Variants in PCDHA12 observed in about 807,000 individuals in gnomAD.
PCDHA12 encodes protocadherin alpha-12.
Under a neutral mutation model 60.0 loss-of-function variants are expected in PCDHA12, and 44 were observed. That is an observed-to-expected ratio of 0.73 (90% CI 0.58 to 0.94). The LOEUF is 0.94. PCDHA12 is among the 40% of genes least tolerant of loss of function. The pLI is 0.00. For synonymous variants in PCDHA12, 569 were observed against 553.0 expected, an observed-to-expected ratio of 1.03 and a Z score of -0.40; for missense variants, 1,276 against 1,239.7, an observed-to-expected ratio of 1.03 and a Z score of -0.44.
At chr5:140,932,709 A>G (rs2088560759) in intron 1 of PCDHA12, among the ~76,000 whole-genome samples, 1 of 151,956 alleles carries the variant, frequency 6.6e-6, no homozygotes, top group African/African-American at 2.4e-5. Context: ...TATAGACAAC[A>G]CAATAATATT....
At chr5:140,981,128 G>A (rs1340714771) in intron 2 of PCDHA12, among the ~76,000 whole-genome samples, 1 of 152,214 alleles carries the variant, frequency 6.6e-6, no homozygotes, top group Non-Finnish European at 1.5e-5. Flanking sequence ...GTTGTTTGAA[G>A]TCAAAGAGTG....
chr5:140,981,862 T>C (rs1160188291), intron 2 of PCDHA12, among the ~76,000 whole-genome samples: 1 of 152,212 alleles, frequency 6.6e-6, no homozygotes, highest in African/African-American at 2.4e-5. Flanking sequence ...CTCCCAGCAA[T>C]GTTTTATGCT....
chr5:141,000,743 TA>T (rs527867626), intron 3 of PCDHA12, among the ~76,000 whole-genome samples: 276 of 145,094 alleles, frequency 1.9e-3, no homozygotes, highest in Admixed American at 4.4e-3. Context: ...CTCTGTATAT[TA>T]AAAAAAAAAA....
At chr5:140,978,422 T>C (rs1554239303) in intron 1 of PCDHA12, among the ~76,000 whole-genome samples, 2 of 152,218 alleles carry the variant, frequency 1.3e-5, no homozygotes, top group Non-Finnish European at 2.9e-5. Flanking sequence ...AAGAGACTGT[T>C]ATCAGTTGCT....
chr5:140,968,201 C>T, intron 1 of PCDHA12: 1 of 1,614,032 alleles, frequency 6.2e-7, no homozygotes, highest in Non-Finnish European at 8.5e-7. Context: ...CATCTACATA[C>T]AGGAGAACAA....
intron 1 of PCDHA12, among the ~76,000 whole-genome samples, chr5:140,900,125 G>A (rs2067765908): frequency 6.6e-6 from 1 of 152,056 alleles, no homozygotes; most frequent in South Asian, 2.1e-4. Context: ...TTGATTTTTA[G>A]GTACCACAAA....
intron 1 of PCDHA12, among the ~76,000 whole-genome samples, chr5:140,944,853 C>G (rs1230548858): frequency 6.6e-6 from 1 of 152,118 alleles, no homozygotes; most frequent in Non-Finnish European, 1.5e-5. Context: ...TTAGAATCAT[C>G]CTTATTTATC....
intron 1 of PCDHA12, chr5:140,884,155 C>A (rs781815602): frequency 1.2e-6 from 2 of 1,613,430 alleles, no homozygotes; most frequent in Non-Finnish European, 1.7e-6. Flanking sequence ...TGTACACTGG[C>A]GAGATCAGCA....
rs1554169498 is a variant in PCDHA12 at position 140,877,227 on chromosome 5, G to A, written c.1755G>A (p.Val585=). Residue 585 remains valine, a synonymous_variant, in exon 1 of 4, where the codon GTG becomes GTA. Transcript: ENST00000398631. ...TTAGCGAGTTGGTACCGCGGTCGGT[G>A]GGTGCGGGCCACGTGGTGGCGAAAG... ...GAVSELVPRS[V]GAGHVVAKVR... The A allele has an allele frequency of 1.9e-6, 3 of 1,613,738 alleles. No homozygotes were observed. The South Asian group carries it at 3.3e-5, about 18-fold the overall frequency.
intron 1 of PCDHA12, among the ~76,000 whole-genome samples, chr5:140,912,961 G>C (rs1370850871): frequency 6.6e-6 from 1 of 151,844 alleles, no homozygotes; most frequent in African/African-American, 2.4e-5. Context: ...ATCCCACTTG[G>C]TCTTTTAACT....
intron 3 of PCDHA12, among the ~76,000 whole-genome samples, chr5:140,999,505 A>T (rs1221080631): frequency 1.3e-5 from 2 of 152,134 alleles, no homozygotes; most frequent in African/African-American, 4.8e-5. Context: ...AAGAACCTAC[A>T]TTTTAAGCAT....
intron 1 of PCDHA12, chr5:140,884,514 CG>C (rs1244903550): frequency 5.0e-6 from 8 of 1,614,058 alleles, no homozygotes; most frequent in Middle Eastern, 1.6e-4. Flanking sequence ...GGGAGTTGGT[CG>C]TACTCGCAGC....
intron 1 of PCDHA12, among the ~76,000 whole-genome samples, chr5:140,919,778 A>G (rs1252402940): frequency 2.6e-5 from 4 of 152,170 alleles, no homozygotes; most frequent in Non-Finnish European, 5.9e-5. Context: ...TGTTACACAT[A>G]TTACATCTTG....
At chr5:140,902,861 G>A (rs782302668) in intron 1 of PCDHA12, among the ~76,000 whole-genome samples, 21 of 152,088 alleles carry the variant, frequency 1.4e-4, no homozygotes, top group Admixed American at 5.2e-4. Context: ...TGGCGTCCAG[G>A]TCCACCCAAG....
intron 1 of PCDHA12, 139 bp from the exon 2 acceptor site, chr5:140,978,808 TAG>T: frequency 6.7e-7 from 1 of 1,496,146 alleles, no homozygotes; most frequent in Non-Finnish European, 8.9e-7. Flanking sequence ...GATATCATCA[TAG>T]AGTTACACAT....
At chr5:140,924,318 G>A (rs550515387) in intron 1 of PCDHA12, among the ~76,000 whole-genome samples, 1 of 152,164 alleles carries the variant, frequency 6.6e-6, no homozygotes, top group East Asian at 1.9e-4. Context: ...AATTTTATCT[G>A]AGACTTGGTG....
chr5:140,968,744 G>A (rs782484391), intron 1 of PCDHA12: 20 of 1,614,164 alleles, frequency 1.2e-5, no homozygotes, highest in East Asian at 2.2e-5. Context: ...CAACCTGACC[G>A]TGGTGGTCCG....
chr5:140,901,557 A>G (rs782333756), intron 1 of PCDHA12, among the ~76,000 whole-genome samples: 4 of 152,034 alleles, frequency 2.6e-5, no homozygotes, highest in Non-Finnish European at 5.9e-5. Context: ...CCATTCATCT[A>G]TGTGTCTGTT....
intron 3 of PCDHA12, among the ~76,000 whole-genome samples, chr5:140,987,537 T>C (rs1343074603): frequency 6.6e-6 from 1 of 152,176 alleles, no homozygotes; most frequent in African/African-American, 2.4e-5. Context: ...CCTGGGACCA[T>C]TACTTAACTT....
Sources: allele counts gnomAD v4.1 joint callset (sites outside exome capture counted in the v4.1 genomes callset), GRCh38; gene constraint gnomAD v4.1.1; transcripts MANE v1.5; gene names NCBI Gene and HGNC (gene_info 2026-07-23, HGNC 2026-07-21).